The following RBMS3 variants were observed in gnomAD, a reference collection of about 807,000 sequenced individuals.
The protein encoded by RBMS3 is RNA-binding motif, single-stranded-interacting protein 3.
A neutral mutation model predicts 66.8 loss-of-function variants in RBMS3; 27 were observed. The ratio of observed to expected loss-of-function variants is 0.40; its 90% confidence interval spans 0.30 to 0.56. The LOEUF (loss-of-function observed/expected upper bound fraction) is 0.56. RBMS3 is among the 20% of genes least tolerant of loss of function. RBMS3 has a pLI of 0.40. For synonymous variants in RBMS3, 188 were observed against 183.0 expected (o/e 1.03, Z -0.22); for missense variants, 513 against 549.5 (o/e 0.93, Z 0.66).
At chr3:29,751,621 T>C (rs2055187650) in intron 5 of RBMS3, among the ~76,000 whole-genome samples, 1 of 152,224 alleles carries the variant, frequency 6.6e-6, no homozygotes, top group African/African-American at 2.4e-5. Context: ...AATACATAGG[T>C]ATTTTCCTGA....
chr3:29,309,123 CTT>C (rs2125461676), intron 1 of RBMS3, among the ~76,000 whole-genome samples: 1 of 151,758 alleles, frequency 6.6e-6, no homozygotes, highest in East Asian at 2.0e-4. Context: ...TTGACCAGTA[CTT>C]TGATTCATGG....
chr3:29,820,885 C>T (rs9865157), intron 6 of RBMS3, among the ~76,000 whole-genome samples: 2 of 152,094 alleles, frequency 1.3e-5, no homozygotes. Context: ...CAGAAGATTG[C>T]GACCAACCTG....
chr3:29,404,489 T>C (rs1231311257), intron 1 of RBMS3, among the ~76,000 whole-genome samples: 1 of 152,132 alleles, frequency 6.6e-6, no homozygotes, highest in East Asian at 1.9e-4. Flanking sequence ...CTTATATAAA[T>C]GAGTGAAGAG....
rs575999878 is a variant in RBMS3, at chr3:29,766,532, T to C, written c.637+3543T>C. On this transcript the variant is annotated intron_variant, in intron 6 of 14. Coordinates refer to ENST00000383767, the MANE Select transcript of RBMS3 (RefSeq NM_001003793.3). Reference sequence around the variant, plus strand: ...GTATTGGGTTCTAATTCCTGACAGATAAGTGAGTTGGAAGAGAACTTTACA... The same window carrying C: ...GTATTGGGTTCTAATTCCTGACAGACAAGTGAGTTGGAAGAGAACTTTACA... 3.9e-5 allele frequency: 6 copies of C among 152,136 alleles called. No homozygotes were observed. The East Asian group carries it at 9.7e-4, about 25-fold the overall frequency. The allele number at this position is 152,136 out of a possible 1,614,324, so 9.4% of individuals were successfully genotyped here. A position where few individuals can be genotyped will look rare whatever the true frequency, so the allele number is the denominator to read the frequency against.
intron 6 of RBMS3, among the ~76,000 whole-genome samples, chr3:29,788,508 A>T (rs2056901029): frequency 6.6e-6 from 1 of 152,136 alleles, no homozygotes; most frequent in African/African-American, 2.4e-5. Context: ...TACAGGCATG[A>T]GCCACTCTGC....
intron 3 of RBMS3, among the ~76,000 whole-genome samples, chr3:29,582,767 A>G (rs2047377394): frequency 6.6e-6 from 1 of 152,184 alleles, no homozygotes; most frequent in Admixed American, 6.5e-5. Context: ...TGCTAAATCC[A>G]TCATTATTCT....
chr3:29,347,453 A>C (rs550568723), intron 1 of RBMS3, among the ~76,000 whole-genome samples: 1 of 152,216 alleles, frequency 6.6e-6, no homozygotes, highest in Non-Finnish European at 1.5e-5. Flanking sequence ...TAATACAATG[A>C]AATACACTTG....
intron 1 of RBMS3, among the ~76,000 whole-genome samples, chr3:29,431,947 CG>C (rs1054041575): frequency 1.3e-5 from 2 of 151,928 alleles, no homozygotes; most frequent in African/African-American, 4.8e-5. Context: ...AGACTGGTCT[CG>C]AGCTCCTGGG....
At chr3:29,859,121 T>C (rs1007818286) in intron 6 of RBMS3, among the ~76,000 whole-genome samples, 1 of 152,190 alleles carries the variant, frequency 6.6e-6, no homozygotes, top group Non-Finnish European at 1.5e-5. Context: ...GTATATTCCC[T>C]CACCAGTTTT....
chr3:29,435,362 G>A lies in RBMS3; in HGVS notation c.248+447G>A, dbSNP rs112841918. On this transcript the variant is annotated intron_variant, in intron 2 of 14. Coordinates refer to ENST00000383767, the MANE Select transcript of RBMS3 (RefSeq NM_001003793.3). Reference sequence around the variant, plus strand: ...TCTGGCCAGTGCTTGGTAAATGTCCGTTCAGCCAGGACCATGTATTTGGAG... The same window carrying A: ...TCTGGCCAGTGCTTGGTAAATGTCCATTCAGCCAGGACCATGTATTTGGAG... Among the ~76,000 whole-genome samples, 23 of 152,254 alleles carry A rather than the reference G, an allele frequency of 1.5e-4. 1 individual carries two copies. Among genetic ancestry groups the A allele is most frequent in the African/African-American group, 5.3e-4 (22 of 41,564 alleles).
intron 5 of RBMS3, among the ~76,000 whole-genome samples, chr3:29,750,203 A>G (rs1208718028): frequency 2.6e-5 from 4 of 152,190 alleles, no homozygotes; most frequent in Non-Finnish European, 4.4e-5. Context: ...GGCAGATTTT[A>G]CTTCGTCCAA....
intron 1 of RBMS3, among the ~76,000 whole-genome samples, chr3:29,431,641 T>C (rs889543233): frequency 2.0e-5 from 3 of 152,164 alleles, no homozygotes; most frequent in Non-Finnish European, 4.4e-5. Flanking sequence ...GTTTTGCTCC[T>C]GTCATGTCTA....
At chr3:29,717,611 C>T (rs1474695381) in intron 4 of RBMS3, among the ~76,000 whole-genome samples, 1 of 151,920 alleles carries the variant, frequency 6.6e-6, no homozygotes, top group African/African-American at 2.4e-5. Flanking sequence ...AATCTGTTAA[C>T]GTTTTTGTAG....
At chr3:29,431,440 A>C (rs1183203358) in intron 1 of RBMS3, among the ~76,000 whole-genome samples, 1 of 151,574 alleles carries the variant, frequency 6.6e-6, no homozygotes, top group Non-Finnish European at 1.5e-5. Context: ...TTATAGGCAC[A>C]TACCACCATG....
chr3:29,737,831 A>AGTGTGTGT (rs3070725), intron 4 of RBMS3, among the ~76,000 whole-genome samples: 34 of 145,852 alleles, frequency 2.3e-4, no homozygotes, highest in African/African-American at 7.1e-4. Flanking sequence ...GTGATAGTGG[A>AGTGTGTGT]GTGTGTGTGT....
intron 1 of RBMS3, among the ~76,000 whole-genome samples, chr3:29,397,823 A>G (rs888233772): frequency 6.6e-6 from 1 of 152,086 alleles, no homozygotes; most frequent in African/African-American, 2.4e-5. Flanking sequence ...AGCTGGAACT[A>G]TAGATGCATG....
chr3:29,823,686 AAG>A (rs1431011081), intron 6 of RBMS3, among the ~76,000 whole-genome samples: 1 of 152,166 alleles, frequency 6.6e-6, no homozygotes, highest in Non-Finnish European at 1.5e-5. Flanking sequence ...AATTTTTATT[AAG>A]TAGTCATATA....
At chr3:29,615,405 A>G (rs1015658804) in intron 4 of RBMS3, among the ~76,000 whole-genome samples, 3 of 152,028 alleles carry the variant, frequency 2.0e-5, no homozygotes, top group South Asian at 2.1e-4. Flanking sequence ...TAAAATCTAT[A>G]CCATAGGCAT....
chr3:29,492,609 A>G (rs2043591480), intron 3 of RBMS3, among the ~76,000 whole-genome samples: 1 of 152,202 alleles, frequency 6.6e-6, no homozygotes, highest in Non-Finnish European at 1.5e-5. Flanking sequence ...AGTTGGTTAT[A>G]AAATTTGATG....
Sources: gnomAD v4.1 joint callset for allele counts (sites outside exome capture counted in the v4.1 genomes callset) on GRCh38, gnomAD v4.1.1 for gene constraint, MANE v1.5 for transcripts, NCBI Gene and HGNC (gene_info 2026-07-23, HGNC 2026-07-21) for gene names.